Variants in NUP98 observed in about 807,000 individuals in gnomAD.
NUP98 encodes nucleoporin 98 and 96 precursor.
Under a neutral mutation model 191.9 loss-of-function variants are expected in NUP98, and 26 were observed. That is an observed-to-expected ratio of 0.14 (90% confidence interval 0.10 to 0.19). NUP98 has a LOEUF of 0.19. Ranked by LOEUF, NUP98 falls within the 10% of genes least tolerant of loss-of-function variation. The pLI is 1.00. For missense variants in NUP98, 1,941 were observed against 2,178.8 expected (o/e 0.89, Z 2.17); for synonymous variants, 808 against 778.4 (o/e 1.04, Z -0.63).
At chr11:3,794,292 C>T (rs1172629346) in intron 1 of NUP98, among the ~76,000 whole-genome samples, 11 of 152,064 alleles carry the variant, frequency 7.2e-5, no homozygotes, top group Admixed American at 7.2e-4. Flanking sequence ...GTTTACCTAC[C>T]TTGCCTCTAA....
Position 3,676,096 on chromosome 11 carries a change from C to G in NUP98, c.*63G>C. On this transcript the variant is annotated 3_prime_UTR_variant, in exon 33 of 33. Transcript: ENST00000324932. Reference sequence around the variant, plus strand: ...GAATGGCAAACAGTGCCAATCCAAACAAGGCAGGGAACCTCTGTGTGGTGT... The same window carrying G: ...GAATGGCAAACAGTGCCAATCCAAAGAAGGCAGGGAACCTCTGTGTGGTGT... 1 of 1,507,408 alleles carries G rather than the reference C, an allele frequency of 6.6e-7. No individual in the cohort carries two copies. The highest frequency in any genetic ancestry group is 1.2e-5 in the South Asian group (1 of 84,448). The allele number at this position is 1,507,408 out of a possible 1,614,324, so 93.4% of individuals were successfully genotyped here.
chr11:3,782,701 CCTGT>C (rs58544181), intron 1 of NUP98, among the ~76,000 whole-genome samples: 14,191 of 150,960 alleles, frequency 0.094, 1,124 homozygotes, highest in African/African-American at 0.21. Context: ...TGTCACCATG[CCTGT>C]CTAATTATTT....
chr11:3,679,883 A>G, intron 30 of NUP98, 175 bp from the exon 31 acceptor site: 1 of 646,916 alleles, frequency 1.5e-6, no homozygotes, highest in Non-Finnish European at 2.6e-6. Flanking sequence ...AGACCACCAC[A>G]ATAAAGCAGG....
intron 1 of NUP98, among the ~76,000 whole-genome samples, chr11:3,789,058 C>T (rs1018589491): frequency 1.1e-4 from 16 of 152,140 alleles, no homozygotes; most frequent in African/African-American, 3.9e-4. Context: ...CCACTTGCTA[C>T]TGTAAGTCAT....
At chr11:3,754,315 A>G (rs1034005972) in intron 10 of NUP98, among the ~76,000 whole-genome samples, 2 of 152,230 alleles carry the variant, frequency 1.3e-5, no homozygotes, top group African/African-American at 2.4e-5. Context: ...AAACCCAGCT[A>G]CTTGGGAGGC....
chr11:3,762,282 T>TG (rs1189353737), intron 9 of NUP98, among the ~76,000 whole-genome samples: 2 of 150,720 alleles, frequency 1.3e-5, no homozygotes, highest in South Asian at 2.1e-4. Context: ...GCTAGTGGTT[T>TG]TTTTTTTTTT....
chr11:3,708,497 C>T (rs2078932428), intron 20 of NUP98, among the ~76,000 whole-genome samples: 1 of 152,082 alleles, frequency 6.6e-6, no homozygotes, highest in African/African-American at 2.4e-5. Context: ...TCTATTCACA[C>T]AAACAGACTT....
chr11:3,733,679 A>G (rs1210776053), intron 13 of NUP98, among the ~76,000 whole-genome samples: 3 of 152,138 alleles, frequency 2.0e-5, no homozygotes, highest in African/African-American at 7.2e-5. Context: ...CTTTACTCCT[A>G]TTTATGGCTA....
intron 1 of NUP98, among the ~76,000 whole-genome samples, chr11:3,789,596 G>A (rs758780630): frequency 6.9e-6 from 1 of 144,290 alleles, no homozygotes; most frequent in Non-Finnish European, 1.5e-5. Flanking sequence ...GCTCACTGCA[G>A]CCTGGACCTC....
intron 12 of NUP98, among the ~76,000 whole-genome samples, chr11:3,743,969 G>GA (rs1423956703): frequency 1.3e-5 from 2 of 152,100 alleles, no homozygotes; most frequent in Non-Finnish European, 2.9e-5. Flanking sequence ...TGAGGCAGAA[G>GA]AATCACTTGA....
chr11:3,704,205 A>G (rs570947709), intron 22 of NUP98, among the ~76,000 whole-genome samples: 5 of 152,234 alleles, frequency 3.3e-5, no homozygotes, highest in Non-Finnish European at 7.3e-5. Flanking sequence ...AGCAAAGTTG[A>G]TAATAAGGGA....
chr11:3,778,432 A>G (rs79436163), intron 4 of NUP98, among the ~76,000 whole-genome samples: 2,483 of 152,266 alleles, frequency 0.016, 64 homozygotes, highest in African/African-American at 0.057. Flanking sequence ...TGGAGGAGTA[A>G]CCATGTCACG....
chr11:3,773,026 G>A (rs2081583528), intron 6 of NUP98, among the ~76,000 whole-genome samples: 2 of 151,946 alleles, frequency 1.3e-5, no homozygotes, highest in African/African-American at 4.8e-5. Flanking sequence ...TTATTAAGCT[G>A]TACTTTGCAT....
chr11:3,700,567 T>C lies in NUP98; in HGVS notation c.3742+43A>G, dbSNP rs543193602. 4.6e-5 allele frequency: 63 copies of C among 1,372,854 alleles called. 1 individual carries two copies. The South Asian group carries it at 7.6e-4, about 17-fold the overall frequency. 85.0% of individuals were successfully genotyped at this position (1,372,854 alleles called of 1,614,324 possible). On this transcript the variant is annotated intron_variant, in intron 24 of 32. Coordinates refer to ENST00000324932, the MANE Select transcript of NUP98 (RefSeq NM_016320.5). ...TCCCGTGAACATACGCTACCACCAC[T>C]ATTATTGGGACATCAAACATTAGAA...
intron 1 of NUP98, among the ~76,000 whole-genome samples, chr11:3,792,637 AAAC>A (rs200634592): frequency 0.051 from 7,703 of 152,240 alleles, 253 homozygotes; most frequent in Middle Eastern, 0.099. Flanking sequence ...ACAAACAAAA[AAAC>A]AACAAAAAAA....
At chr11:3,751,346 A>G (rs936885889) in intron 11 of NUP98, among the ~76,000 whole-genome samples, 1 of 152,130 alleles carries the variant, frequency 6.6e-6, no homozygotes, top group African/African-American at 2.4e-5. Flanking sequence ...TAACAAGAGC[A>G]AAACTCCGAC....
chr11:3,746,096 C>G (rs2080480940), intron 11 of NUP98, among the ~76,000 whole-genome samples: 1 of 151,578 alleles, frequency 6.6e-6, no homozygotes, highest in African/African-American at 2.4e-5. Context: ...ATGGAGAAAC[C>G]CTGTCTCTAC....
At chr11:3,679,448 C>G (rs558703660) in intron 31 of NUP98, 106 bp downstream of exon 31, 6 of 1,275,060 alleles carry the variant, frequency 4.7e-6, no homozygotes, top group East Asian at 2.3e-5. Flanking sequence ...ACAGTGCTAT[C>G]TCTGTCAGTG....
At chr11:3,705,652 T>TAAC (rs1442951847) in intron 21 of NUP98, among the ~76,000 whole-genome samples, 1 of 152,100 alleles carries the variant, frequency 6.6e-6, no homozygotes, top group Non-Finnish European at 1.5e-5. Context: ...GTTAAACACA[T>TAAC]AACACACCAA....
Sources: gnomAD v4.1 joint callset for allele counts (sites outside exome capture counted in the v4.1 genomes callset) on GRCh38, gnomAD v4.1.1 for gene constraint, MANE v1.5 for transcripts, NCBI Gene and HGNC (gene_info 2026-07-23, HGNC 2026-07-21) for gene names.